IQGAP3: variants seen among roughly 807,000 people sequenced by gnomAD.
The protein encoded by IQGAP3 is IQ motif containing GTPase activating protein 3.
A neutral mutation model predicts 208.2 loss-of-function variants in IQGAP3; 165 were observed. The ratio of observed to expected loss-of-function variants is 0.79; its 90% confidence interval spans 0.70 to 0.90. IQGAP3 has a LOEUF of 0.90. Among genes scored for constraint, IQGAP3 ranks in the 40% least tolerant of loss-of-function variants. The pLI is 0.00. For synonymous variants in IQGAP3, 703 were observed against 803.6 expected (o/e 0.87, Z 2.12); for missense variants, 1,811 against 2,043.1 (o/e 0.89, Z 2.19).
chr1:156,564,806 G>T, intron 4 of IQGAP3, 115 bp from the exon 5 acceptor site: 2 of 739,850 alleles, frequency 2.7e-6, no homozygotes, highest in Non-Finnish European at 4.9e-6. Flanking sequence ...GTGTTCCCTT[G>T]TTACCTGGGG....
intron 5 of IQGAP3, among the ~76,000 whole-genome samples, chr1:156,564,085 G>A (rs889837418): frequency 6.6e-6 from 1 of 152,154 alleles, no homozygotes; most frequent in East Asian, 1.9e-4. Flanking sequence ...GCAGTAGCAG[G>A]TCACTCAATG....
At chr1:156,544,334 T>C (rs1332822475) in intron 20 of IQGAP3, 55 bp downstream of exon 20, 11 of 1,569,090 alleles carry the variant, frequency 7.0e-6, no homozygotes, top group African/African-American at 2.7e-5. Flanking sequence ...GACTACAAGA[T>C]TGTTCTCAGA....
rs1283598547 is a variant in IQGAP3, at chr1:156,526,587, G to C, written c.4795C>G (p.Leu1599Val). The change falls in exon 38 of 38, where the codon CTC (leucine) becomes GTC (valine). Residue 1599 changes from leucine to valine, a missense_variant. Transcript: ENST00000361170. ...ATGACAGCCACACCCTCATACTGGA[G>C]CTGCAGGAGATCCTAGGAGGGAAGA... ...FQLHYQDLLQ[L>V]QYEGVAVMKL... 1.9e-6 allele frequency: 3 copies of C among 1,613,052 alleles called. No individual in the cohort carries two copies. Among genetic ancestry groups the C allele is most frequent in the Non-Finnish European group, 2.5e-6 (3 of 1,179,016 alleles).
At chr1:156,547,934 C>T in intron 19 of IQGAP3, 139 bp downstream of exon 19, 1 of 768,636 alleles carries the variant, frequency 1.3e-6, no homozygotes, top group South Asian at 1.9e-5. Flanking sequence ...CATGGTCTGG[C>T]TCCAGAACCT....
chr1:156,548,674 T>TC lies in IQGAP3; in HGVS notation c.1899dup (p.Asn634GlufsTer41). On this transcript the variant is annotated frameshift_variant, in exon 17 of 38. Coordinates refer to ENST00000361170, the MANE Select transcript of IQGAP3 (RefSeq NM_178229.5). LOFTEE classifies it high-confidence loss of function. The stretch of plus-strand genomic sequence containing the variant: ...ACCCCTCGAAGGGCCACTGCGGGGT[T>TC]CCTCAACACCCGCTCAGTCTGGGCT... The TC allele has an allele frequency of 6.2e-7, 1 of 1,612,096 alleles. No individual in the cohort carries two copies. Among genetic ancestry groups the TC allele is most frequent in the East Asian group, 2.2e-5 (1 of 44,816 alleles).
chr1:156,563,789 A>G lies in IQGAP3; in HGVS notation c.473T>C (p.Ile158Thr). The G allele has an allele frequency of 6.2e-7, 1 of 1,614,050 alleles. No homozygotes were observed. Among genetic ancestry groups the G allele is most frequent in the Non-Finnish European group, 8.5e-7 (1 of 1,179,978 alleles). ...FLFRLGLAPQ[I>T]HDLYGKVKFT... is the part of the protein sequence containing the mutation. ...TTTCACTTTCCCGTATAGATCATGT[A>G]TCTGAGGGGCCAATCCCAGCCGGAA... The change falls in exon 6 of 38, where the codon ATA (isoleucine) becomes ACA (threonine). Residue 158 changes from isoleucine to threonine, a missense_variant. By Grantham distance (89) the Ile-to-Thr change is moderately conservative (BLOSUM62 -1). Transcript: ENST00000361170.
chr1:156,530,059 CACACACGTACACACAG>C, intron 34 of IQGAP3, 30 bp downstream of exon 34: 1 of 1,447,124 alleles, frequency 6.9e-7, no homozygotes, highest in Non-Finnish European at 9.5e-7. Context: ...CACGCACACA[CACACACGTACACACAG>C]GCACACGGAG....
rs200154189 is a variant in IQGAP3, at chr1:156,544,017, G to A, written c.2494C>T (p.Arg832Ter). The change falls in exon 22 of 38, where the codon CGA becomes TGA. Residue 832 changes from arginine to a stop codon, truncating the protein, a stop_gained. Coordinates refer to ENST00000361170, the MANE Select transcript of IQGAP3 (RefSeq NM_178229.5). LOFTEE classifies it high-confidence loss of function. ...NSIVKIQAFF[R>*]ARKAQDDYRI... ...TAGTCATCTTGGGCTTTCCTGGCTC[G>A]GAAAAATGCCTGGATCTTCACAATG... is the stretch of plus-strand genomic sequence containing the variant. 1.2e-4 allele frequency: 197 copies of A among 1,614,080 alleles called. 1 individual carries two copies. The highest frequency in any genetic ancestry group is 3.3e-5 in the South Asian group (3 of 91,080).
chr1:156,559,982 T>C (rs1396867474), intron 11 of IQGAP3, among the ~76,000 whole-genome samples: 2 of 151,970 alleles, frequency 1.3e-5, no homozygotes, highest in African/African-American at 2.4e-5. Flanking sequence ...CAGTCAGGAG[T>C]GGCCCGGGGG....
intron 7 of IQGAP3, 52 bp downstream of exon 7, chr1:156,563,501 C>A (rs1171134960): frequency 8.8e-6 from 13 of 1,478,146 alleles, no homozygotes; most frequent in South Asian, 1.2e-5. Context: ...AGGCTTGGAG[C>A]CCTCCCATAC....
rs1374114888 is a variant in IQGAP3, at chr1:156,550,307, G to A, written c.1779C>T (p.Arg593=). Residue 593 remains arginine (R), a synonymous_variant, in exon 16 of 38, where the codon CGC becomes CGT. Transcript: ENST00000361170. ...PGAVLWLEEI[R]QGVVRANQDT... is the part of the protein sequence containing the mutation. ...CCTGGTTGGCTCTGACCACTCCCTG[G>A]CGGATCTCCTCAAGCCACAGCACAG... 1 of 1,613,962 alleles carries A rather than the reference G, an allele frequency of 6.2e-7. No individual in the cohort carries two copies. Among genetic ancestry groups the A allele is most frequent in the Non-Finnish European group, 8.5e-7 (1 of 1,179,914 alleles).
intron 19 of IQGAP3, among the ~76,000 whole-genome samples, chr1:156,547,368 C>G (rs1557931522): frequency 6.9e-6 from 1 of 145,344 alleles, no homozygotes; most frequent in East Asian, 2.0e-4. Flanking sequence ...AACACACAGA[C>G]ACACAGACAC....
intron 27 of IQGAP3, 24 bp from the exon 28 acceptor site, chr1:156,535,271 C>A: frequency 6.6e-7 from 1 of 1,520,652 alleles, no homozygotes; most frequent in Non-Finnish European, 9.1e-7. Flanking sequence ...AACAGGTGCG[C>A]GTGGCTGTGC....
At chr1:156,569,293 G>A (rs1676534578) in intron 2 of IQGAP3, 83 bp downstream of exon 2, 1 of 837,022 alleles carries the variant, frequency 1.2e-6, no homozygotes, top group Non-Finnish European at 2.0e-6. Context: ...TCGATCTGTT[G>A]CATTTGCTTT....
At chr1:156,564,574 CA>C in intron 5 of IQGAP3, 40 bp downstream of exon 5, 1 of 1,334,652 alleles carries the variant, frequency 7.5e-7, no homozygotes, top group Non-Finnish European at 1.1e-6. Context: ...TGGTCGCATC[CA>C]CCTAGAGGAA....
At chr1:156,535,750 T>A (rs909637747) in intron 27 of IQGAP3, among the ~76,000 whole-genome samples, 1 of 152,146 alleles carries the variant, frequency 6.6e-6, no homozygotes, top group Non-Finnish European at 1.5e-5. Context: ...CCCAAGGAGA[T>A]CAGTGAGCCG....
chr1:156,563,507 C>CAT, intron 7 of IQGAP3, 46 bp downstream of exon 7: 1 of 1,514,442 alleles, frequency 6.6e-7, no homozygotes, highest in Non-Finnish European at 9.1e-7. Flanking sequence ...GGAGCCCTCC[C>CAT]ATACGCATTG....
In IQGAP3 at chr1:156,563,590, G is replaced by A. The variant is rs567711776; in HGVS notation, c.582C>T (p.Gly194=). The change falls in exon 7 of 38, where the codon GGC becomes GGT. Residue 194 remains glycine (G), a synonymous_variant. Coordinates refer to ENST00000361170, the MANE Select transcript of IQGAP3 (RefSeq NM_178229.5). ...LQLPAFSKIG[G]ILANELSVDE... is the part of the protein sequence containing the mutation. ...CCACCGAGAGCTCATTGGCCAAGATGCCCCCGATCTTGCTGAAGGCAGGCA... is the reference window on the plus strand; with the variant it reads ...CCACCGAGAGCTCATTGGCCAAGATACCCCCGATCTTGCTGAAGGCAGGCA... 57 of 1,613,664 alleles carry A rather than the reference G, an allele frequency of 3.5e-5. 2 individuals are homozygous for A. The South Asian group carries it at 5.4e-4, about 15-fold the overall frequency.
chr1:156,531,581 A>G (rs77289702), intron 32 of IQGAP3, among the ~76,000 whole-genome samples: 2,607 of 150,954 alleles, frequency 0.017, 30 homozygotes, highest in Non-Finnish European at 0.026. Context: ...ATGGCAGGAC[A>G]AAGATGATAC....
Sources: gnomAD v4.1 joint callset for allele counts (sites outside exome capture counted in the v4.1 genomes callset) on GRCh38, gnomAD v4.1.1 for gene constraint, MANE v1.5 for transcripts, NCBI Gene and HGNC (gene_info 2026-07-23, HGNC 2026-07-21) for gene names.